The following NELL2 variants were observed in gnomAD, a reference collection of about 807,000 sequenced individuals.
NELL2 encodes neural EGFL like 2.
In NELL2, 41 loss-of-function variants were observed where a neutral mutation model predicts 109.6. The ratio of observed to expected loss-of-function variants is 0.37; its 90% CI spans 0.29 to 0.49. NELL2 has a LOEUF of 0.49. Among genes scored for constraint, NELL2 ranks in the 20% least tolerant of loss-of-function variants. The pLI, the probability that NELL2 is intolerant of heterozygous loss-of-function variation, is 0.98. For synonymous variants in NELL2, 355 were observed against 344.7 expected (o/e 1.03, Z -0.33); for missense variants, 900 against 1,008.3 (o/e 0.89, Z 1.45).
intron 1 of NELL2, among the ~76,000 whole-genome samples, chr12:44,889,038 G>T (rs1175185070): frequency 6.6e-6 from 1 of 151,938 alleles, no homozygotes; most frequent in Non-Finnish European, 1.5e-5. Context: ...CCCAAGGACT[G>T]CTGGGGGTCA....
At chr12:44,547,136 C>T (rs1942829790) in intron 15 of NELL2, among the ~76,000 whole-genome samples, 2 of 152,172 alleles carry the variant, frequency 1.3e-5, no homozygotes, top group Admixed American at 6.5e-5. Flanking sequence ...ACATATCATC[C>T]TGCTACTTCT....
intron 9 of NELL2, among the ~76,000 whole-genome samples, chr12:44,729,056 A>C (rs1939227840): frequency 6.6e-6 from 1 of 152,190 alleles, no homozygotes; most frequent in South Asian, 2.1e-4. Flanking sequence ...TAACTGGTAA[A>C]GGTAAATATA....
At chr12:44,802,413 G>T (rs991216327) in intron 3 of NELL2, among the ~76,000 whole-genome samples, 3 of 152,004 alleles carry the variant, frequency 2.0e-5, no homozygotes, top group Admixed American at 2.0e-4. Flanking sequence ...GAATGTAAAT[G>T]CCTTTTAGCA....
intron 1 of NELL2, among the ~76,000 whole-genome samples, chr12:44,909,872 A>C (rs1338023191): frequency 1.3e-5 from 2 of 151,940 alleles, no homozygotes; most frequent in Non-Finnish European, 2.9e-5. Context: ...AAAAATAAGC[A>C]ATAGGGAAAG....
chr12:44,512,236 A>G (rs1941030802), intron 19 of NELL2, among the ~76,000 whole-genome samples: 1 of 152,160 alleles, frequency 6.6e-6, no homozygotes, highest in African/African-American at 2.4e-5. Context: ...AATGCTCAAC[A>G]TCACTAATCA....
chr12:44,842,126 A>AGGAAGGAAGGAC (rs1944249008), intron 2 of NELL2, among the ~76,000 whole-genome samples: 2 of 149,388 alleles, frequency 1.3e-5, no homozygotes, highest in Admixed American at 1.3e-4. Flanking sequence ...GAAGGAAGGA[A>AGGAAGGAAGGAC]GGAAGGAAGG....
At chr12:44,789,761 A>G (rs1230833373) in intron 3 of NELL2, among the ~76,000 whole-genome samples, 1 of 152,186 alleles carries the variant, frequency 6.6e-6, no homozygotes, top group Non-Finnish European at 1.5e-5. Context: ...TCAAGGAAAT[A>G]GATAGCATAA....
chr12:44,918,920 C>T (rs1405401343), upstream of NELL2, among the ~76,000 whole-genome samples: 1 of 152,078 alleles, frequency 6.6e-6, no homozygotes, highest in African/African-American at 2.4e-5. Context: ...GTAGTTTTCC[C>T]CTCTTATTGA....
intron 15 of NELL2, among the ~76,000 whole-genome samples, chr12:44,599,284 A>T (rs1020448986): frequency 6.6e-6 from 1 of 152,180 alleles, no homozygotes; most frequent in Non-Finnish European, 1.5e-5. Context: ...AACTTCAGGC[A>T]ATAGAGCAAT....
chr12:44,853,915 G>C (rs1213433196), intron 2 of NELL2, among the ~76,000 whole-genome samples: 4 of 152,124 alleles, frequency 2.6e-5, no homozygotes, highest in Non-Finnish European at 4.4e-5. Flanking sequence ...CAGTTACTAG[G>C]AGCATTGCAT....
chr12:44,577,231 T>C (rs1238813126), intron 15 of NELL2, among the ~76,000 whole-genome samples: 10 of 98,192 alleles, frequency 1.0e-4, no homozygotes, highest in South Asian at 3.9e-4. Flanking sequence ...TTTTAATGAT[T>C]GCCATTCTAA....
rs201585922 is a variant in NELL2, at chr12:44,580,554, T to TA, written c.1663+26614dup. On this transcript the variant is annotated intron_variant, in intron 15 of 19. Coordinates refer to ENST00000429094, the MANE Select transcript of NELL2 (RefSeq NM_001145108.2). ...CAACATGGAGAAAGCCCATCTCTAA[T>TA]AAAAATACAAAAAATTAGTGTGGTG... 5.2e-3 allele frequency among the ~76,000 whole-genome samples: 797 copies of TA among 152,114 alleles called. 9 individuals are homozygous for TA. The highest frequency in any genetic ancestry group is 0.018 in the African/African-American group (748 of 41,516).
intron 2 of NELL2, among the ~76,000 whole-genome samples, chr12:44,846,998 G>A (rs751329043): frequency 6.6e-6 from 1 of 152,240 alleles, no homozygotes; most frequent in Non-Finnish European, 1.5e-5. Context: ...ACTTGTGGGA[G>A]TGTTACAGAG....
intron 2 of NELL2, among the ~76,000 whole-genome samples, chr12:44,845,055 A>G (rs922636955): frequency 6.6e-6 from 1 of 152,146 alleles, no homozygotes; most frequent in Non-Finnish European, 1.5e-5. Flanking sequence ...CAAAATTCCA[A>G]TATAGTTTCC....
At chr12:44,598,719 A>C (rs1272258598) in intron 15 of NELL2, among the ~76,000 whole-genome samples, 2 of 152,182 alleles carry the variant, frequency 1.3e-5, no homozygotes, top group Admixed American at 1.3e-4. Flanking sequence ...TGGCATAAGA[A>C]GCCAAACACC....
At chr12:44,533,782 G>A (rs887725357) in intron 15 of NELL2, among the ~76,000 whole-genome samples, 1 of 152,090 alleles carries the variant, frequency 6.6e-6, no homozygotes, top group South Asian at 2.1e-4. Flanking sequence ...ATTAGCTCCT[G>A]GTTTTCAGGA....
chr12:44,614,780 TAGAAA>T (rs1945759128), intron 13 of NELL2, among the ~76,000 whole-genome samples: 1 of 152,046 alleles, frequency 6.6e-6, no homozygotes, highest in Non-Finnish European at 1.5e-5. Context: ...ATGTGCTACC[TAGAAA>T]CAAACCAGCT....
rs184882646 is a variant in NELL2, at chr12:44,848,126, G to A, written c.184+27099C>T. Among the ~76,000 whole-genome samples, 369 of 152,094 alleles carry A rather than the reference G, an allele frequency of 2.4e-3. 3 individuals are homozygous for A. Among genetic ancestry groups the A allele is most frequent in the Admixed American group, 3.5e-3 (54 of 15,280 alleles). ...TGGGGGCTGCAGTGTATAAACTTAG[G>A]GCATAGCCACATCAAAGTAAACACT... On this transcript the variant is annotated intron_variant, in intron 2 of 19. Transcript: ENST00000429094.
At chr12:44,820,915 G>T (rs948099207) in intron 2 of NELL2, among the ~76,000 whole-genome samples, 3 of 142,854 alleles carry the variant, frequency 2.1e-5, no homozygotes, top group Non-Finnish European at 4.6e-5. Context: ...TCACCAGACT[G>T]TGTTACCTAA....
Sources: gnomAD v4.1 joint callset for allele counts (sites outside exome capture counted in the v4.1 genomes callset) on GRCh38, gnomAD v4.1.1 for gene constraint, MANE v1.5 for transcripts, NCBI Gene and HGNC (gene_info 2026-07-23, HGNC 2026-07-21) for gene names.